The following TCF12 variants were observed in gnomAD, a reference collection of about 807,000 sequenced individuals.
TCF12 encodes the protein transcription factor 12.
In TCF12, 45 loss-of-function variants were observed where a neutral mutation model predicts 86.0. The observed-to-expected ratio is 0.52, with a 90% CI of 0.41 to 0.67. TCF12 has a LOEUF of 0.67. Ranked by LOEUF, TCF12 falls within the 30% of genes least tolerant of loss-of-function variation. TCF12 has a pLI of 0.00. For synonymous variants in TCF12, 330 were observed against 299.6 expected, an observed-to-expected ratio of 1.10 and a Z score of -1.05; for missense variants, 881 against 859.9, an observed-to-expected ratio of 1.02 and a Z score of -0.31.
intron 3 of TCF12, among the ~76,000 whole-genome samples, chr15:56,947,049 C>T (rs1409920886): frequency 2.6e-5 from 4 of 152,128 alleles, no homozygotes; most frequent in African/African-American, 7.2e-5. Flanking sequence ...CTGCCTTCCT[C>T]GGCTTCGCAA....
chr15:57,214,716 C>G (rs1322276756), intron 8 of TCF12, among the ~76,000 whole-genome samples: 1 of 152,122 alleles, frequency 6.6e-6, no homozygotes, highest in African/African-American at 2.4e-5. Flanking sequence ...TACCAGTACT[C>G]AGACTAATCT....
chr15:57,064,295 AG>A (rs2068681457), intron 4 of TCF12, among the ~76,000 whole-genome samples: 1 of 152,178 alleles, frequency 6.6e-6, no homozygotes, highest in Admixed American at 6.5e-5. Context: ...CTTAGTTAAC[AG>A]TTAAGAGAAA....
chr15:57,100,282 T>C (rs1159157491), intron 5 of TCF12, among the ~76,000 whole-genome samples: 1 of 152,218 alleles, frequency 6.6e-6, no homozygotes, highest in Non-Finnish European at 1.5e-5. Flanking sequence ...AGCTTTACAG[T>C]TCTGCTATAT....
At chr15:56,920,397 C>T (rs1341199599) in intron 2 of TCF12, among the ~76,000 whole-genome samples, 1 of 151,740 alleles carries the variant, frequency 6.6e-6, no homozygotes, top group South Asian at 2.1e-4. Flanking sequence ...GTTTATGGTA[C>T]CTGAAAGATG....
chr15:57,005,922 GAA>G (rs2064345118), intron 3 of TCF12, among the ~76,000 whole-genome samples: 1 of 152,112 alleles, frequency 6.6e-6, no homozygotes, highest in South Asian at 2.1e-4. Context: ...TTTTCCAGGT[GAA>G]AAGTCCGCTG....
At chr15:57,213,963 C>T (rs557226959) in intron 8 of TCF12, 1 of 152,176 alleles carries the variant, frequency 6.6e-6, no homozygotes, top group South Asian at 2.1e-4. Flanking sequence ...TTAATGTGTG[C>T]ATACACACAC....
chr15:57,103,595 G>A (rs1302388177), intron 5 of TCF12, among the ~76,000 whole-genome samples: 1 of 152,154 alleles, frequency 6.6e-6, no homozygotes, highest in Non-Finnish European at 1.5e-5. Context: ...CTACCACAAT[G>A]GAATTTAACC....
intron 6 of TCF12, 43 bp downstream of exon 6, chr15:57,166,509 C>A: frequency 6.5e-7 from 1 of 1,533,918 alleles, no homozygotes; most frequent in East Asian, 2.3e-5. Context: ...GGTTTTTAAA[C>A]ACATAAATAA....
At chr15:57,247,084 A>C in intron 13 of TCF12, 1 of 569,812 alleles carries the variant, frequency 1.8e-6, no homozygotes, top group East Asian at 4.2e-5. Context: ...TAATTTCCGA[A>C]CTCATTATAG....
chr15:57,191,079 C>T (rs1285066193), intron 6 of TCF12, among the ~76,000 whole-genome samples: 1 of 152,072 alleles, frequency 6.6e-6, no homozygotes, highest in Non-Finnish European at 1.5e-5. Flanking sequence ...CCCCTTAATG[C>T]GAGCTAACAT....
intron 6 of TCF12, among the ~76,000 whole-genome samples, chr15:57,190,579 C>T (rs1338160734): frequency 6.6e-6 from 1 of 152,048 alleles, no homozygotes; most frequent in East Asian, 1.9e-4. Flanking sequence ...TCTTCTTTCC[C>T]TCTCCTGTCT....
At chr15:57,262,857 G>T (rs2060651022) in intron 17 of TCF12, among the ~76,000 whole-genome samples, 1 of 152,166 alleles carries the variant, frequency 6.6e-6, no homozygotes, top group South Asian at 2.1e-4. Flanking sequence ...TTGTTAAATA[G>T]TGCCTGAAAG....
chr15:56,982,842 A>G (rs1275305641), intron 3 of TCF12, among the ~76,000 whole-genome samples: 2 of 152,232 alleles, frequency 1.3e-5, no homozygotes, highest in African/African-American at 4.8e-5. Context: ...CTGTCTTACC[A>G]TACATTATCT....
chr15:56,935,230 ATCTG>A (rs2060416336), intron 3 of TCF12, among the ~76,000 whole-genome samples: 2 of 151,912 alleles, frequency 1.3e-5, no homozygotes, highest in Non-Finnish European at 2.9e-5. Flanking sequence ...TCTTTTTCCA[ATCTG>A]TCTTAGTCTG....
At chr15:57,198,983 C>T (rs777202243) in intron 8 of TCF12, among the ~76,000 whole-genome samples, 1 of 152,096 alleles carries the variant, frequency 6.6e-6, no homozygotes, top group Non-Finnish European at 1.5e-5. Flanking sequence ...CATGAAAAGT[C>T]GAATTTGAAA....
chr15:57,203,956 T>C (rs777774139), intron 8 of TCF12, among the ~76,000 whole-genome samples: 1 of 152,064 alleles, frequency 6.6e-6, no homozygotes, highest in African/African-American at 2.4e-5. Context: ...GTTCACTCCA[T>C]TGCACTCCAG....
At chr15:57,057,688 G>T (rs767245307) in intron 3 of TCF12, among the ~76,000 whole-genome samples, 1 of 152,170 alleles carries the variant, frequency 6.6e-6, no homozygotes, top group Non-Finnish European at 1.5e-5. Context: ...TAGTAATTCT[G>T]AATGAGTTGG....
intron 5 of TCF12, among the ~76,000 whole-genome samples, chr15:57,163,702 C>G (rs145172634): frequency 7.9e-5 from 12 of 152,136 alleles, no homozygotes; most frequent in African/African-American, 2.9e-4. Context: ...GACCTTGTCT[C>G]AAAATAAATA....
intron 3 of TCF12, among the ~76,000 whole-genome samples, chr15:57,000,514 G>A (rs564767306): frequency 6.6e-6 from 1 of 152,294 alleles, no homozygotes; most frequent in African/African-American, 2.4e-5. Context: ...GAAGTTTGTA[G>A]CATTGAATGT....
Sources: gnomAD v4.1 joint callset for allele counts (sites outside exome capture counted in the v4.1 genomes callset) on GRCh38, gnomAD v4.1.1 for gene constraint, MANE v1.5 for transcripts, NCBI Gene and HGNC (gene_info 2026-07-23, HGNC 2026-07-21) for gene names.